The following EXOSC8 variants were observed in gnomAD, a reference collection of about 807,000 sequenced individuals.
EXOSC8 encodes the protein exosome complex component RRP43.
A neutral mutation model predicts 39.9 loss-of-function variants in EXOSC8; 37 were observed. That is an observed-to-expected ratio of 0.93 (90% CI 0.71 to 1.22). EXOSC8 has a LOEUF of 1.22. Ranked by LOEUF, EXOSC8 falls within the 50% of genes most tolerant of loss-of-function variation. EXOSC8 has a pLI of 0.00. For missense variants in EXOSC8, 313 were observed against 326.6 expected (o/e 0.96, Z 0.32); for synonymous variants, 93 against 109.5 (o/e 0.85, Z 0.94).
intron 7 of EXOSC8, among the ~76,000 whole-genome samples, chr13:37,006,631 C>A (rs9576153): frequency 0.91 from 138,085 of 152,212 alleles, 62,752 homozygotes; most frequent in East Asian, 1. Context: ...ATTATGAGAA[C>A]GTGCATTTTG....
intron 5 of EXOSC8, among the ~76,000 whole-genome samples, chr13:37,005,627 C>T (rs1434760425): frequency 6.6e-6 from 1 of 151,784 alleles, no homozygotes; most frequent in African/African-American, 2.4e-5. Context: ...CAGCACTTTG[C>T]GAGGCTGAGG....
At position 37,006,027 on chromosome 13, in the gene EXOSC8, TAAGAG is replaced by T; in HGVS notation, c.344+3_344+7del. ...GTTCATTGCAGATGTCATTGAAAAG[TAAGAG>T]CACCATGATAAAATTTTATTACAAT... On this transcript the variant is annotated splice_donor_5th_base_variant and intron_variant, in intron 6 of 10. Transcript: ENST00000389704. 6.3e-7 allele frequency: 1 copy of T among 1,595,914 alleles called. No homozygotes were observed. The highest frequency in any genetic ancestry group is 8.6e-7 in the Non-Finnish European group (1 of 1,164,002).
At chr13:37,000,869 G>T in intron 1 of EXOSC8, 47 bp downstream of exon 1, 1 of 1,465,366 alleles carries the variant, frequency 6.8e-7, no homozygotes, top group Admixed American at 2.5e-5. Context: ...CTGGCGGACG[G>T]CAGCTTCCTT....
Position 37,009,297 on chromosome 13 carries a change from TAAAC to T in EXOSC8, c.831_*3del, listed in dbSNP as rs1445176646. 1.3e-6 allele frequency: 2 copies of T among 1,524,998 alleles called. No homozygotes were observed. The highest frequency in any genetic ancestry group is 2.3e-5 in the East Asian group (1 of 44,412). The allele number at this position is 1,524,998 out of a possible 1,614,324, so 94.5% of individuals were successfully genotyped here. On this transcript the variant is annotated stop_retained_variant and 3_prime_UTR_variant, in exon 11 of 11. Transcript: ENST00000389704. ...AGTAATTAAGAGTATGAAACCCAAA[TAAAC>T]AGCCACCACATTTTCAAAACAGATT...
intron 9 of EXOSC8, 47 bp downstream of exon 9, chr13:37,008,224 G>C: frequency 6.9e-7 from 1 of 1,455,434 alleles, no homozygotes; most frequent in Non-Finnish European, 9.5e-7. Context: ...TTAAGATTAG[G>C]GTAATTGATG....
At position 37,009,378 on chromosome 13, in the gene EXOSC8, A is replaced by G. The variant is rs1356398434; in HGVS notation, c.*79A>G. ...TGCACAAACGTTTTATACTAAATAA[A>G]TATCAAACTACATTCTTCTGAAAGA... On this transcript the variant is annotated 3_prime_UTR_variant, in exon 11 of 11. Coordinates refer to ENST00000389704, the MANE Select transcript of EXOSC8 (RefSeq NM_181503.3). 1.2e-6 allele frequency: 1 copy of G among 800,058 alleles called. No individual in the cohort carries two copies. The highest frequency in any genetic ancestry group is 2.0e-6 in the Non-Finnish European group (1 of 488,146). The allele number at this position is 800,058 out of a possible 1,614,324, so 49.6% of individuals were successfully genotyped here.
intron 1 of EXOSC8, 120 bp from the exon 2 acceptor site, chr13:37,002,147 ATTACTT>A (rs1566073469): frequency 3.1e-6 from 2 of 654,348 alleles, no homozygotes; most frequent in Non-Finnish European, 2.7e-6. Flanking sequence ...ACTTTCTAGA[ATTACTT>A]TTAGTTAAAA....
At chr13:37,002,185 A>T in intron 1 of EXOSC8, 88 bp from the exon 2 acceptor site, 1 of 962,442 alleles carries the variant, frequency 1.0e-6, no homozygotes, top group South Asian at 1.4e-5. Flanking sequence ...TTTATGCTGC[A>T]TCACCACACT....
Position 37,002,328 on chromosome 13 carries a change from C to G in EXOSC8, c.54+19C>G, listed in dbSNP as rs765943212. The G allele has an allele frequency of 6.3e-7, 1 of 1,593,006 alleles. No homozygotes were observed. The highest frequency in any genetic ancestry group is 1.1e-5 in the South Asian group (1 of 89,692). On this transcript the variant is annotated intron_variant, in intron 2 of 10. Transcript: ENST00000389704. ...ATTTCTGGTGAGTAAAGGTTATGTA[C>G]ATGTTATGCGTTTTGATAACGAGCT...
rs1048479353 is a variant in EXOSC8 at position 37,009,614 on chromosome 13, A to G, written c.*315A>G. 7.5e-6 allele frequency: 12 copies of G among 1,603,098 alleles called. No homozygotes were observed. The highest frequency in any genetic ancestry group is 3.4e-5 in the Admixed American group (2 of 59,618). On this transcript the variant is annotated 3_prime_UTR_variant, in exon 11 of 11. Coordinates refer to ENST00000389704, the MANE Select transcript of EXOSC8 (RefSeq NM_181503.3). ...AAAAAAAACAAAAAGTAGAAACTCA[A>G]TTCTTTTGATTCAGTGCTCTTGTGT...
chr13:37,008,702 A>G (rs1336154071), intron 9 of EXOSC8, 27 bp from the exon 10 acceptor site: 4 of 1,411,750 alleles, frequency 2.8e-6, no homozygotes, highest in Non-Finnish European at 4.0e-6. Flanking sequence ...CCATGGATTG[A>G]TAACTTATAT....
intron 2 of EXOSC8, 78 bp from the exon 3 acceptor site, chr13:37,002,410 T>C (rs570221508): frequency 1.8e-5 from 24 of 1,347,822 alleles, no homozygotes; most frequent in Admixed American, 7.0e-5. Context: ...TAACATTTAA[T>C]GTGTGTGTAA....
rs1247292577 is a variant in EXOSC8, at chr13:37,008,711, ATT to A, written c.609-12_609-11del. ...TTTGTTCCATGGATTGATAACTTATATTTTTTTCTTTTTATAGCACTTTGCTT... is the reference window on the plus strand; with the variant it reads ...TTTGTTCCATGGATTGATAACTTATATTTTTCTTTTTATAGCACTTTGCTT... On this transcript the variant is annotated splice_polypyrimidine_tract_variant and intron_variant, in intron 9 of 10. Transcript: ENST00000389704. 3 of 1,489,602 alleles carry A rather than the reference ATT, an allele frequency of 2.0e-6. No homozygotes were observed. The highest frequency in any genetic ancestry group is 2.8e-6 in the Non-Finnish European group (3 of 1,073,082). The allele number at this position is 1,489,602 out of a possible 1,614,324, so 92.3% of individuals were successfully genotyped here. A position where few individuals can be genotyped will look rare whatever the true frequency, so the allele number is the denominator to read the frequency against.
In EXOSC8 at chr13:37,005,979, G is replaced by A; in HGVS notation, c.298G>A (p.Glu100Lys). 6.2e-7 allele frequency: 1 copy of A among 1,612,922 alleles called. No homozygotes were observed. The highest frequency in any genetic ancestry group is 8.5e-7 in the Non-Finnish European group (1 of 1,179,054). ...SSRFRSGPPG[E>K]EAQVASQFIA... ...GAGATTCCGGTCTGGACCTCCTGGAGAAGAGGCCCAAGTGGCTAGCCAGTT... is the reference window on the plus strand; with the variant it reads ...GAGATTCCGGTCTGGACCTCCTGGAAAAGAGGCCCAAGTGGCTAGCCAGTT... The change falls in exon 6 of 11, where the codon GAA (glutamate) becomes AAA (lysine). Residue 100 changes from glutamate to lysine, a missense_variant. Transcript: ENST00000389704.
chr13:37,006,223 G>T (rs2059138268), intron 7 of EXOSC8, 63 bp downstream of exon 7: 1 of 1,113,980 alleles, frequency 9.0e-7, no homozygotes, highest in African/African-American at 1.6e-5. Context: ...TTTTGTGGGG[G>T]AAAGTGAACA....
At chr13:37,001,537 TAA>T (rs1381672463) in intron 1 of EXOSC8, 1 of 152,224 alleles carries the variant, frequency 6.6e-6, no homozygotes, top group African/African-American at 2.4e-5. Context: ...TGGACTTTCT[TAA>T]AGTTTTTAAA....
chr13:37,002,684 G>A (rs949875627), intron 3 of EXOSC8, 133 bp downstream of exon 3: 13 of 695,760 alleles, frequency 1.9e-5, no homozygotes, highest in Admixed American at 5.7e-5. Context: ...ATTTTTATCC[G>A]TACAAAAGCC....
chr13:37,006,042 A>G lies in EXOSC8; in HGVS notation c.344+17A>G, dbSNP rs777242271. 1.0e-5 allele frequency: 16 copies of G among 1,587,754 alleles called. No individual in the cohort carries two copies. In the East Asian group the frequency reaches 2.7e-4, roughly 27 times the overall value. The stretch of plus-strand genomic sequence containing the variant: ...CATTGAAAAGTAAGAGCACCATGAT[A>G]AAATTTTATTACAATTCATTTTCAG... On this transcript the variant is annotated intron_variant, in intron 6 of 10. Transcript: ENST00000389704.
intron 1 of EXOSC8, 24 bp from the exon 2 acceptor site, chr13:37,002,249 A>G (rs776685222): frequency 6.3e-7 from 1 of 1,577,348 alleles, no homozygotes; most frequent in Non-Finnish European, 8.7e-7. Context: ...TTTATCTCAG[A>G]TATATTTTTA....
Sources: gnomAD v4.1 joint callset for allele counts (sites outside exome capture counted in the v4.1 genomes callset) on GRCh38, gnomAD v4.1.1 for gene constraint, MANE v1.5 for transcripts, NCBI Gene and HGNC (gene_info 2026-07-23, HGNC 2026-07-21) for gene names.